ITPRID1: variants seen among roughly 807,000 people sequenced by gnomAD.
The protein encoded by ITPRID1 is ITPR interacting domain containing 1, also known as protein ITPRID1.
Under a neutral mutation model 95.4 loss-of-function variants are expected in ITPRID1, and 96 were observed. The observed-to-expected ratio is 1.01, with a 90% CI of 0.85 to 1.19. ITPRID1 has a LOEUF of 1.19. ITPRID1 is among the 50% of genes most tolerant of loss of function. The probability of loss-of-function intolerance (pLI) is 0.00; values close to 1 mark genes in which losing one functional copy is unlikely to be tolerated. For missense variants in ITPRID1, 1,339 were observed against 1,252.9 expected (o/e 1.07, Z -1.04); for synonymous variants, 510 against 453.6 (o/e 1.12, Z -1.58).
intron 1 of ITPRID1, among the ~76,000 whole-genome samples, chr7:31,536,401 G>C (rs1352389441): frequency 6.6e-6 from 1 of 151,890 alleles, no homozygotes; most frequent in African/African-American, 2.4e-5. Flanking sequence ...AGATTCATTA[G>C]CTTATTTATT....
chr7:31,520,552 TGTGTGTGTGTGTGAGAGAGA>T (rs1172025914), intron 1 of ITPRID1, among the ~76,000 whole-genome samples: 1,499 of 87,876 alleles, frequency 0.017, 20 homozygotes, highest in African/African-American at 0.064. Context: ...TGTGTGTGTG[TGTGTGTGTGTGTGAGAGAGA>T]GAGAGAGAGT....
chr7:31,576,473 A>G (rs1785186736), intron 8 of ITPRID1, among the ~76,000 whole-genome samples: 1 of 152,234 alleles, frequency 6.6e-6, no homozygotes, highest in Non-Finnish European at 1.5e-5. Context: ...TAAAGCAATC[A>G]TAAAAGTTGA....
rs144128616 is a variant in ITPRID1 at position 31,593,336 on chromosome 7, A to G, written c.1228+10145A>G. Among the ~76,000 whole-genome samples the G allele has an allele frequency of 6.6e-3, 1,010 of 152,152 alleles. 5 individuals are homozygous for G. Among genetic ancestry groups the G allele is most frequent in the Non-Finnish European group, 0.011 (772 of 67,984 alleles). On this transcript the variant is annotated intron_variant, in intron 10 of 14. Coordinates refer to ENST00000615280, the MANE Select transcript of ITPRID1 (RefSeq NM_001257967.3). The stretch of plus-strand genomic sequence containing the variant: ...CAAAGACAAAAACAAAAACAAAACA[A>G]TCATGCATCATTACATACCAAGTAG...
chr7:31,586,837 T>C (rs1583536190), intron 10 of ITPRID1, among the ~76,000 whole-genome samples: 1 of 151,576 alleles, frequency 6.6e-6, no homozygotes, highest in African/African-American at 2.4e-5. Context: ...AGAAGCTCTT[T>C]AGTTTAATTA....
chr7:31,652,714 C>A lies in ITPRID1; in HGVS notation c.3020C>A (p.Pro1007His). ...ACCCAGTTGGCTGCCTTCACTCCACCCACCTTGGAGAACAGCACCAGGATG... is the reference window on the plus strand; with the variant it reads ...ACCCAGTTGGCTGCCTTCACTCCACACACCTTGGAGAACAGCACCAGGATG... ...GGTQLAAFTP[P>H]TLENSTRMSP... is the part of the protein sequence containing the mutation. Residue 1007 changes from proline to histidine, a missense_variant, in exon 15 of 15, where the codon CCC becomes CAC. Transcript: ENST00000615280. 1.2e-6 allele frequency: 2 copies of A among 1,613,946 alleles called. No individual in the cohort carries two copies. The highest frequency in any genetic ancestry group is 1.7e-6 in the Non-Finnish European group (2 of 1,179,886).
At chr7:31,558,572 AG>A (rs1362138721) in intron 5 of ITPRID1, among the ~76,000 whole-genome samples, 1 of 152,222 alleles carries the variant, frequency 6.6e-6, no homozygotes, top group African/African-American at 2.4e-5. Context: ...TAAGATGACT[AG>A]GTTCTAGAGA....
chr7:31,646,225 C>T (rs1442335078), intron 12 of ITPRID1, among the ~76,000 whole-genome samples: 1 of 152,152 alleles, frequency 6.6e-6, no homozygotes, highest in Non-Finnish European at 1.5e-5. Flanking sequence ...TTTAATCCAT[C>T]AGGCAAACCA....
In ITPRID1 at chr7:31,655,909, C is replaced by A. The variant is rs1417870318; in HGVS notation, c.*3080C>A. Reference sequence around the variant, plus strand: ...TGGCTCTAGGATGTCCCTCACCTGGCAGCCATCTGCTTTACCAGTCTCATT... The same window carrying A: ...TGGCTCTAGGATGTCCCTCACCTGGAAGCCATCTGCTTTACCAGTCTCATT... On this transcript the variant is annotated 3_prime_UTR_variant, in exon 15 of 15. Transcript: ENST00000615280. The A allele has an allele frequency of 1.0e-6, 1 of 985,476 alleles. No individual in the cohort carries two copies. Among genetic ancestry groups the A allele is most frequent in the Non-Finnish European group, 1.2e-6 (1 of 829,976 alleles). 61.0% of individuals were successfully genotyped at this position (985,476 alleles called of 1,614,324 possible). A position where few individuals can be genotyped will look rare whatever the true frequency, so the allele number is the denominator to read the frequency against.
At chr7:31,520,515 TTG>T (rs57709822) in intron 1 of ITPRID1, among the ~76,000 whole-genome samples, 4,412 of 135,456 alleles carry the variant, frequency 0.033, 87 homozygotes, top group Middle Eastern at 0.05. Flanking sequence ...TACCACATCA[TTG>T]TGTGTGTGTG....
Position 31,642,234 on chromosome 7 carries a change from G to GCCGCTGGAA in ITPRID1, c.1294_1302dup (p.Glu432_Leu434dup). The GCCGCTGGAA allele has an allele frequency of 6.4e-6, 10 of 1,556,772 alleles. No homozygotes were observed. The highest frequency in any genetic ancestry group is 8.7e-6 in the Non-Finnish European group (10 of 1,150,518). ...CTGACAGCAGCGGGTTCCTGGAGGA[G>GCCGCTGGAA]CCGCTGGAACCGCTGCCCCTCCAGG... On this transcript the variant is annotated inframe_insertion, in exon 11 of 15. Transcript: ENST00000615280.
At chr7:31,613,020 T>A (rs1444412229) in intron 10 of ITPRID1, among the ~76,000 whole-genome samples, 1 of 152,162 alleles carries the variant, frequency 6.6e-6, no homozygotes, top group Non-Finnish European at 1.5e-5. Flanking sequence ...CTGAACTAGG[T>A]CAAATAAAGA....
rs186020876 is a variant in ITPRID1 at position 31,522,918 on chromosome 7, A to G, written c.-98+8798A>G. Among the ~76,000 whole-genome samples the G allele has an allele frequency of 2.6e-3, 397 of 152,312 alleles. 1 individual carries two copies. The highest frequency in any genetic ancestry group is 8.9e-3 in the African/African-American group (369 of 41,580). On this transcript the variant is annotated intron_variant, in intron 1 of 14. Transcript: ENST00000615280. ...CAAAAATATGAAATAGGGAGAAAAT[A>G]AGGGGTTTGTAGATATAATGTACGT...
At chr7:31,522,261 C>T (rs916767095) in intron 1 of ITPRID1, among the ~76,000 whole-genome samples, 2 of 152,178 alleles carry the variant, frequency 1.3e-5, no homozygotes, top group Admixed American at 6.5e-5. Flanking sequence ...AACATGTCCT[C>T]TCTGACTCCC....
Position 31,551,884 on chromosome 7 carries a change from T to C in ITPRID1, c.-23-1118T>C, listed in dbSNP as rs1222501651. 4.8e-6 allele frequency: 2 copies of C among 415,966 alleles called. 1 individual carries two copies. Among genetic ancestry groups the C allele is most frequent in the Middle Eastern group, 7.4e-4 (2 of 2,694 alleles). 25.8% of individuals were successfully genotyped at this position (415,966 alleles called of 1,614,324 possible). ...TGGCCATTTCTGTAAACTTGAAGGATAAACGAATGCAAATTAAAGCATATG... is the reference window on the plus strand; with the variant it reads ...TGGCCATTTCTGTAAACTTGAAGGACAAACGAATGCAAATTAAAGCATATG... On this transcript the variant is annotated intron_variant, in intron 2 of 14. Transcript: ENST00000615280.
At chr7:31,642,524 G>C (rs1487175196) in intron 11 of ITPRID1, among the ~76,000 whole-genome samples, 158 bp from the exon 12 acceptor site, 1 of 152,208 alleles carries the variant, frequency 6.6e-6, no homozygotes, top group Non-Finnish European at 1.5e-5. Flanking sequence ...GCCTCCTAGA[G>C]AGGAGGACCT....
intron 3 of ITPRID1, 131 bp downstream of exon 3, chr7:31,553,318 T>G: frequency 1.2e-6 from 1 of 818,340 alleles, no homozygotes; most frequent in South Asian, 1.9e-5. Flanking sequence ...GTTCCTGGCA[T>G]GATGCCGGAA....
chr7:31,622,583 G>C lies in ITPRID1; in HGVS notation c.1229-19593G>C, dbSNP rs558442863. ...ACGAGAATAAAGACACAACATACCA[G>C]AATCTCTGGGACACATTCAAAGCAC... is the stretch of plus-strand genomic sequence containing the variant. On this transcript the variant is annotated intron_variant, in intron 10 of 14. Coordinates refer to ENST00000615280, the MANE Select transcript of ITPRID1 (RefSeq NM_001257967.3). 4.7e-4 allele frequency among the ~76,000 whole-genome samples: 72 copies of C among 151,900 alleles called. No homozygotes were observed. The South Asian group carries it at 0.014, about 30-fold the overall frequency.
chr7:31,656,587 T>G (rs1335984029), downstream of ITPRID1: 10 of 587,524 alleles, frequency 1.7e-5, no homozygotes, highest in East Asian at 1.4e-4. Flanking sequence ...GATGAATGAA[T>G]GAGATGAGGA....
At chr7:31,647,725 C>G (rs902599886) in intron 12 of ITPRID1, among the ~76,000 whole-genome samples, 1 of 145,670 alleles carries the variant, frequency 6.9e-6, no homozygotes, top group Non-Finnish European at 1.5e-5. Flanking sequence ...ATGACGACAA[C>G]GACGACGACA....
Sources: gnomAD v4.1 joint callset for allele counts (sites outside exome capture counted in the v4.1 genomes callset) on GRCh38, gnomAD v4.1.1 for gene constraint, MANE v1.5 for transcripts, NCBI Gene and HGNC (gene_info 2026-07-23, HGNC 2026-07-21) for gene names.